Variants in SFMBT2 observed in about 807,000 individuals in gnomAD.
SFMBT2 encodes the protein Scm like with four mbt domains 2, also known as scm-like with four MBT domains protein 2.
SFMBT2 carries 38 observed loss-of-function variants against 110.1 expected under a neutral mutation model. The observed-to-expected ratio is 0.35, with a 90% CI of 0.27 to 0.45. The LOEUF (loss-of-function observed/expected upper bound fraction) is 0.45. Among genes scored for constraint, SFMBT2 ranks in the 20% least tolerant of loss-of-function variants. SFMBT2 has a pLI of 1.00. For synonymous variants in SFMBT2, 425 were observed against 425.4 expected, an observed-to-expected ratio of 1.00 and a Z score of 0.01; for missense variants, 1,011 against 1,094.9, an observed-to-expected ratio of 0.92 and a Z score of 1.08.
intron 4 of SFMBT2, among the ~76,000 whole-genome samples, chr10:7,308,967 C>T (rs976255960): frequency 6.6e-6 from 1 of 152,142 alleles, no homozygotes; most frequent in Non-Finnish European, 1.5e-5. Flanking sequence ...GGCTAGAAAA[C>T]ATGTGAAAGG....
chr10:7,308,483 G>A (rs1351681451), intron 4 of SFMBT2, among the ~76,000 whole-genome samples: 1 of 152,194 alleles, frequency 6.6e-6, no homozygotes, highest in Non-Finnish European at 1.5e-5. Context: ...GAGGTCACTT[G>A]ATGGAGAGAA....
chr10:7,214,840 T>G (rs1839480204), intron 11 of SFMBT2: 1 of 838,304 alleles, frequency 1.2e-6, no homozygotes, highest in Admixed American at 6.2e-5. Context: ...CCATGCCTGT[T>G]TTAATTTATA....
At chr10:7,315,118 G>GAAAGAAAGAAAGAAAGAA (rs1564435740) in intron 4 of SFMBT2, among the ~76,000 whole-genome samples, 12 of 140,794 alleles carry the variant, frequency 8.5e-5, no homozygotes, top group African/African-American at 3.2e-4. Flanking sequence ...GAAAAAGCAA[G>GAAAGAAAGAAAGAAAGAA]CAAGCAAGCC....
intron 4 of SFMBT2, among the ~76,000 whole-genome samples, chr10:7,291,514 T>A (rs57443387): frequency 0.011 from 1,610 of 152,248 alleles, 25 homozygotes; most frequent in African/African-American, 0.037. Flanking sequence ...CCTCCCCTAT[T>A]CCCCGGGTCC....
At chr10:7,192,629 C>T (rs913702307) in intron 15 of SFMBT2, among the ~76,000 whole-genome samples, 8 of 152,188 alleles carry the variant, frequency 5.3e-5, no homozygotes, top group Non-Finnish European at 7.3e-5. Context: ...GGAGGGAAAT[C>T]GCTTAATGCA....
At chr10:7,175,688 A>C (rs1838031951) in intron 17 of SFMBT2, among the ~76,000 whole-genome samples, 1 of 152,150 alleles carries the variant, frequency 6.6e-6, no homozygotes, top group African/African-American at 2.4e-5. Context: ...CCATCCATTG[A>C]GCTGTAGAAT....
chr10:7,213,546 G>A (rs895220835), intron 11 of SFMBT2, among the ~76,000 whole-genome samples: 2 of 152,200 alleles, frequency 1.3e-5, no homozygotes, highest in South Asian at 2.1e-4. Context: ...GGTGAATAAC[G>A]GCATCATTCG....
At chr10:7,335,617 AC>A (rs1843698449) in intron 4 of SFMBT2, among the ~76,000 whole-genome samples, 3 of 151,724 alleles carry the variant, frequency 2.0e-5, no homozygotes, top group Admixed American at 6.6e-5. Flanking sequence ...ACACACACAC[AC>A]ACAACCATAT....
At chr10:7,203,947 C>T (rs187459832) in intron 12 of SFMBT2, 7 of 167,652 alleles carry the variant, frequency 4.2e-5, no homozygotes, top group Non-Finnish European at 8.5e-5. Context: ...GAGCTCATGA[C>T]CTCAGGTGAT....
At chr10:7,393,793 G>A (rs940962200) in intron 1 of SFMBT2, among the ~76,000 whole-genome samples, 17 of 152,200 alleles carry the variant, frequency 1.1e-4, no homozygotes, top group African/African-American at 3.6e-4. Context: ...CTGACCCCTA[G>A]ACCTAGGATC....
chr10:7,194,027 C>G (rs1183020613), intron 15 of SFMBT2, among the ~76,000 whole-genome samples: 2 of 152,208 alleles, frequency 1.3e-5, no homozygotes, highest in African/African-American at 4.8e-5. Flanking sequence ...AGCATCACCA[C>G]TGCCTGTGCC....
chr10:7,376,907 C>G (rs1418169742), intron 2 of SFMBT2, among the ~76,000 whole-genome samples: 1 of 149,684 alleles, frequency 6.7e-6, no homozygotes, highest in Non-Finnish European at 1.5e-5. Flanking sequence ...TGTGGTGGCT[C>G]ACGCCTGTAA....
chr10:7,255,988 G>T (rs1840993536), intron 7 of SFMBT2, among the ~76,000 whole-genome samples: 1 of 152,210 alleles, frequency 6.6e-6, no homozygotes, highest in Non-Finnish European at 1.5e-5. Context: ...CAGGCATTTT[G>T]GATAAGAGAT....
At chr10:7,346,816 CAAAAAAA>C (rs34063872) in intron 4 of SFMBT2, among the ~76,000 whole-genome samples, 201 of 59,834 alleles carry the variant, frequency 3.4e-3, no homozygotes, top group African/African-American at 4.6e-3. Flanking sequence ...ATTAAAGATA[CAAAAAAA>C]AAAAAAAAAA....
Position 7,367,629 on chromosome 10 carries a change from C to G in SFMBT2, c.436+20G>C, listed in dbSNP as rs1844948086. 1 of 1,599,650 alleles carries G rather than the reference C, an allele frequency of 6.3e-7. No individual in the cohort carries two copies. The highest frequency in any genetic ancestry group is 8.5e-7 in the Non-Finnish European group (1 of 1,170,920). On this transcript the variant is annotated intron_variant, in intron 4 of 20. Transcript: ENST00000397167. This position sits in a 1 kb window ranked among gnomAD's most constrained non-coding sequence, Gnocchi z 6.2. ...AAGGATGGCGGCTCGTAAATCGAAG[C>G]CTTTGAAACAGGGGCTCACCGTCCG...
At chr10:7,226,937 C>T (rs559826075) in intron 10 of SFMBT2, among the ~76,000 whole-genome samples, 1 of 152,288 alleles carries the variant, frequency 6.6e-6, no homozygotes, top group African/African-American at 2.4e-5. Flanking sequence ...ATTCACACAA[C>T]AATGAAGCGG....
At chr10:7,273,950 A>T (rs1210673271) in intron 7 of SFMBT2, among the ~76,000 whole-genome samples, 1 of 152,258 alleles carries the variant, frequency 6.6e-6, no homozygotes, top group East Asian at 1.9e-4. Context: ...AAGGATTATA[A>T]ATCATGCTGC....
intron 13 of SFMBT2, chr10:7,202,138 C>T (rs189244064): frequency 2.7e-4 from 52 of 195,224 alleles, no homozygotes; most frequent in African/African-American, 1.1e-3. Flanking sequence ...GGCTGCGACT[C>T]GAAACTGCAC....
intron 1 of SFMBT2, among the ~76,000 whole-genome samples, chr10:7,385,751 G>A (rs888276131): frequency 6.6e-6 from 1 of 152,134 alleles, no homozygotes; most frequent in Non-Finnish European, 1.5e-5. Flanking sequence ...TGTAATCCCA[G>A]CACTTTGGGA....
Sources: gnomAD v4.1 joint callset for allele counts (sites outside exome capture counted in the v4.1 genomes callset) on GRCh38, gnomAD v4.1.1 for gene constraint, Gnocchi (gnomAD v3.1) non-coding constraint, MANE v1.5 for transcripts, NCBI Gene and HGNC (gene_info 2026-07-23, HGNC 2026-07-21) for gene names.